The following GRIK2 variants were observed in gnomAD, a reference collection of about 807,000 sequenced individuals.
The protein encoded by GRIK2 is glutamate ionotropic receptor kainate type subunit 2.
A neutral mutation model predicts 100.3 loss-of-function variants in GRIK2; 32 were observed. The ratio of observed to expected loss-of-function variants is 0.32; its 90% CI spans 0.24 to 0.43. The LOEUF is 0.43. Ranked by LOEUF, GRIK2 falls within the 20% of genes least tolerant of loss-of-function variation. GRIK2 has a pLI of 1.00. For synonymous variants in GRIK2, 417 were observed against 389.4 expected (o/e 1.07, Z -0.83); for missense variants, 843 against 1,114.9 (o/e 0.76, Z 3.47).
intron 2 of GRIK2, among the ~76,000 whole-genome samples, chr6:101,576,087 A>G (rs995349002): frequency 1.3e-5 from 2 of 152,082 alleles, no homozygotes; most frequent in African/African-American, 4.8e-5. Flanking sequence ...GATATATGAT[A>G]TTATGATAGG....
intron 2 of GRIK2, 132 bp from the exon 3 acceptor site, chr6:101,621,817 T>C (rs576489164): frequency 2.3e-4 from 151 of 655,616 alleles, no homozygotes; most frequent in Non-Finnish European, 3.7e-4. Flanking sequence ...TCTCTTTCTC[T>C]CTCTCACACA....
At chr6:101,757,185 GA>G (rs1281715443) in intron 7 of GRIK2, among the ~76,000 whole-genome samples, 6 of 152,036 alleles carry the variant, frequency 3.9e-5, no homozygotes, top group African/African-American at 1.4e-4. Flanking sequence ...GTGAATATTA[GA>G]GCCACTTGTT....
intron 4 of GRIK2, among the ~76,000 whole-genome samples, chr6:101,647,478 A>G (rs1325459932): frequency 6.6e-6 from 1 of 152,004 alleles, no homozygotes; most frequent in African/African-American, 2.4e-5. Flanking sequence ...CCCAGGCTAT[A>G]GAAGTGCACT....
At chr6:101,693,283 A>G (rs1395916754) in intron 7 of GRIK2, among the ~76,000 whole-genome samples, 1 of 152,090 alleles carries the variant, frequency 6.6e-6, no homozygotes, top group Non-Finnish European at 1.5e-5. Context: ...GTAAGGGTAA[A>G]TCAAGAGAGA....
At chr6:101,681,369 G>A (rs998646530) in intron 5 of GRIK2, among the ~76,000 whole-genome samples, 1 of 151,112 alleles carries the variant, frequency 6.6e-6, no homozygotes, top group Non-Finnish European at 1.5e-5. Context: ...GGGACTAAAG[G>A]CATGTGCCAC....
chr6:101,528,526 A>C (rs899405905), intron 2 of GRIK2, among the ~76,000 whole-genome samples: 1 of 152,092 alleles, frequency 6.6e-6, no homozygotes, highest in Non-Finnish European at 1.5e-5. Flanking sequence ...AAACTCTATT[A>C]TATTTTCTGA....
intron 2 of GRIK2, among the ~76,000 whole-genome samples, chr6:101,529,841 T>C (rs1213189312): frequency 6.6e-6 from 1 of 152,094 alleles, no homozygotes; most frequent in African/African-American, 2.4e-5. Context: ...ACAGAAGAAA[T>C]TGTCTTAGCA....
chr6:101,571,051 C>G (rs993781156), intron 2 of GRIK2, among the ~76,000 whole-genome samples: 1 of 25,702 alleles, frequency 3.9e-5, no homozygotes, highest in Non-Finnish European at 7.1e-5. Flanking sequence ...TTCTAGGCTG[C>G]TATGTGCAGT....
chr6:101,779,228 G>A (rs1318466422), intron 7 of GRIK2, among the ~76,000 whole-genome samples: 3 of 151,938 alleles, frequency 2.0e-5, no homozygotes, highest in Admixed American at 2.0e-4. Flanking sequence ...ATAGTACTGA[G>A]TGACTAAGCC....
intron 7 of GRIK2, among the ~76,000 whole-genome samples, chr6:101,707,664 G>A (rs1773433281): frequency 6.8e-6 from 1 of 147,502 alleles, no homozygotes; most frequent in South Asian, 2.2e-4. Flanking sequence ...GTAAAATTCT[G>A]CAAGCGGGAA....
intron 14 of GRIK2, among the ~76,000 whole-genome samples, chr6:102,012,819 C>T (rs747404913): frequency 1.1e-4 from 17 of 151,890 alleles, no homozygotes; most frequent in Non-Finnish European, 2.5e-4. Context: ...CCAGTACCAC[C>T]CTGTTTTGGT....
Position 101,429,195 on chromosome 6 carries a change from C to T in GRIK2, c.115+29803C>T, listed in dbSNP as rs1156393685. On this transcript the variant is annotated intron_variant, in intron 2 of 16. Transcript: ENST00000369134. ...ATCTTCAGTCAAAATACTTTACAAGCAGCTATTTACTTGTTATTCCTAATT... is the reference window on the plus strand; with the variant it reads ...ATCTTCAGTCAAAATACTTTACAAGTAGCTATTTACTTGTTATTCCTAATT... Among the ~76,000 whole-genome samples, 6 of 152,268 alleles carry T rather than the reference C, an allele frequency of 3.9e-5. No homozygotes were observed. The East Asian group carries it at 1.2e-3, about 29-fold the overall frequency.
intron 16 of GRIK2, among the ~76,000 whole-genome samples, chr6:102,064,479 T>C (rs1245087024): frequency 6.7e-6 from 1 of 150,288 alleles, no homozygotes; most frequent in Non-Finnish European, 1.5e-5. Flanking sequence ...TCTTTCTTTC[T>C]CCACTTCTTT....
rs28531972 is a variant in GRIK2 at position 101,575,107 on chromosome 6, C to G, written c.116-46842C>G. On this transcript the variant is annotated intron_variant, in intron 2 of 16. Coordinates refer to ENST00000369134, the MANE Select transcript of GRIK2 (RefSeq NM_021956.5). ...TTAGAATAATTTTATTGCCTCTTACCTGTAATATATGCCACTTTATTTTCA... is the reference window on the plus strand; with the variant it reads ...TTAGAATAATTTTATTGCCTCTTACGTGTAATATATGCCACTTTATTTTCA... Among the ~76,000 whole-genome samples the G allele has an allele frequency of 2.9e-3, 438 of 151,448 alleles. 4 individuals carry two copies. The highest frequency in any genetic ancestry group is 0.01 in the African/African-American group (429 of 41,412).
At chr6:101,604,363 T>C (rs1779354557) in intron 2 of GRIK2, among the ~76,000 whole-genome samples, 1 of 151,854 alleles carries the variant, frequency 6.6e-6, no homozygotes, top group South Asian at 2.1e-4. Context: ...AGTAAATCAA[T>C]TTTAAAAATT....
Position 101,760,656 on chromosome 6 carries a change from G to GTTTAATTATATATAATTATATA in GRIK2, c.952-38968_952-38947dup, listed in dbSNP as rs1442661615. 1.4e-4 allele frequency among the ~76,000 whole-genome samples: 9 copies of GTTTAATTATATATAATTATATA among 64,114 alleles called. 1 individual carries two copies. Among genetic ancestry groups the GTTTAATTATATATAATTATATA allele is most frequent in the African/African-American group, 7.2e-4 (9 of 12,542 alleles). 42.1% of individuals were successfully genotyped at this position (64,114 alleles called of 152,430 possible). A position where few individuals can be genotyped will look rare whatever the true frequency, so the allele number is the denominator to read the frequency against. ...TATATATAATTATATATAATTATAT[G>GTTTAATTATATATAATTATATA]TTTAATTATATATAATTATATATTT... On this transcript the variant is annotated intron_variant, in intron 7 of 16. Coordinates refer to ENST00000369134, the MANE Select transcript of GRIK2 (RefSeq NM_021956.5).
chr6:101,734,366 G>A (rs1775490099), intron 7 of GRIK2, among the ~76,000 whole-genome samples: 1 of 152,170 alleles, frequency 6.6e-6, no homozygotes, highest in Non-Finnish European at 1.5e-5. Context: ...AAACATTAAT[G>A]TCTAACCTCA....
intron 7 of GRIK2, among the ~76,000 whole-genome samples, chr6:101,784,978 T>C (rs1779332191): frequency 6.6e-6 from 1 of 152,314 alleles, no homozygotes; most frequent in East Asian, 1.9e-4. Context: ...ATTGTCTTTT[T>C]GTTTAAGAAC....
intron 4 of GRIK2, among the ~76,000 whole-genome samples, chr6:101,639,940 G>A (rs1219603343): frequency 6.6e-6 from 1 of 152,128 alleles, no homozygotes; most frequent in African/African-American, 2.4e-5. Context: ...GTTACAAACA[G>A]AATTCTGACT....
Sources: allele counts gnomAD v4.1 joint callset (sites outside exome capture counted in the v4.1 genomes callset), GRCh38; gene constraint gnomAD v4.1.1; transcripts MANE v1.5; gene names NCBI Gene and HGNC (gene_info 2026-07-23, HGNC 2026-07-21).